The following MAST2 variants were observed in gnomAD, a reference collection of about 807,000 sequenced individuals.
MAST2 encodes the protein microtubule-associated serine/threonine-protein kinase 2.
A neutral mutation model predicts 147.4 loss-of-function variants in MAST2; 70 were observed. The observed-to-expected ratio is 0.47, with a 90% CI of 0.39 to 0.58. MAST2 has a LOEUF of 0.58. Ranked by LOEUF, MAST2 falls within the 20% of genes least tolerant of loss-of-function variation. MAST2 has a pLI of 0.00. For missense variants in MAST2, 2,080 were observed against 2,302.3 expected (o/e 0.90, Z 1.98); for synonymous variants, 869 against 896.8 (o/e 0.97, Z 0.55).
intron 4 of MAST2, among the ~76,000 whole-genome samples, chr1:45,904,411 C>A (rs774423727): frequency 6.6e-5 from 10 of 152,016 alleles, no homozygotes; most frequent in African/African-American, 2.2e-4. Context: ...TGACTTCAGG[C>A]GATCCACCTG....
At chr1:46,018,654 C>T (rs1419014374) in intron 10 of MAST2, among the ~76,000 whole-genome samples, 1 of 152,120 alleles carries the variant, frequency 6.6e-6, no homozygotes, top group Non-Finnish European at 1.5e-5. Context: ...ACGGTTCTGC[C>T]ACACTGACGT....
intron 21 of MAST2, 37 bp from the exon 22 acceptor site, chr1:46,030,554 TTGGGAGGTACGGCTGC>T (rs1168934735): frequency 1.3e-6 from 2 of 1,547,752 alleles, no homozygotes; most frequent in African/African-American, 2.8e-5. Flanking sequence ...TTTATGCCAC[TTGGGAGGTACGGCTGC>T]CAGAGCCCAT....
At chr1:46,016,747 C>G (rs950042471) in intron 10 of MAST2, among the ~76,000 whole-genome samples, 2 of 152,134 alleles carry the variant, frequency 1.3e-5, no homozygotes, top group African/African-American at 2.4e-5. Context: ...GCCATACTGC[C>G]CAAGGTAATT....
At position 45,914,170 on chromosome 1, in the gene MAST2, T is replaced by C. The variant is rs368648985; in HGVS notation, c.500+31775T>C. On this transcript the variant is annotated intron_variant, in intron 4 of 28. Transcript: ENST00000361297. ...TTCTTCCCTTGAAAGCAAATGTTTA[T>C]TTAAAGTTAGTGTCAAGGCTGCAAA... Among the ~76,000 whole-genome samples, 535 of 152,290 alleles carry C rather than the reference T, an allele frequency of 3.5e-3. 2 individuals carry two copies. The highest frequency in any genetic ancestry group is 0.012 in the African/African-American group (486 of 41,566).
At chr1:46,027,092 G>T (rs912953924) in intron 16 of MAST2, among the ~76,000 whole-genome samples, 5 of 152,170 alleles carry the variant, frequency 3.3e-5, no homozygotes, top group Admixed American at 2.6e-4. Flanking sequence ...AGTTTCTGGA[G>T]CCTGTAAGAC....
intron 1 of MAST2, among the ~76,000 whole-genome samples, chr1:45,820,726 A>G (rs1295936643): frequency 2.7e-5 from 4 of 150,260 alleles, no homozygotes; most frequent in African/African-American, 9.8e-5. Flanking sequence ...TTGGATCTTC[A>G]TTTTTTCAGA....
chr1:45,879,514 C>T lies in MAST2; in HGVS notation c.469-2850C>T, dbSNP rs982797758. Among the ~76,000 whole-genome samples, 104 of 149,242 alleles carry T rather than the reference C, an allele frequency of 7.0e-4. 1 individual carries two copies. Among genetic ancestry groups the T allele is most frequent in the Admixed American group, 6.8e-3 (101 of 14,878 alleles). ...CTTGAACCCAGGAGGTGGAGGTTGCCGCACGCCGAGATTGCACCACTGCGC... is the reference window on the plus strand; with the variant it reads ...CTTGAACCCAGGAGGTGGAGGTTGCTGCACGCCGAGATTGCACCACTGCGC... On this transcript the variant is annotated intron_variant, in intron 3 of 28. Coordinates refer to ENST00000361297, the MANE Select transcript of MAST2 (RefSeq NM_015112.3).
At chr1:45,902,642 T>G (rs1649978904) in intron 4 of MAST2, among the ~76,000 whole-genome samples, 1 of 152,074 alleles carries the variant, frequency 6.6e-6, no homozygotes, top group African/African-American at 2.4e-5. Context: ...ATTTTTAAAT[T>G]ACTGATTCAG....
intron 4 of MAST2, among the ~76,000 whole-genome samples, chr1:45,908,555 A>G (rs1186270382): frequency 1.3e-5 from 2 of 152,226 alleles, no homozygotes; most frequent in African/African-American, 2.4e-5. Context: ...TTATTTAGAA[A>G]TATGTGGTTT....
At chr1:45,916,786 A>G (rs1652595589) in intron 4 of MAST2, among the ~76,000 whole-genome samples, 1 of 152,194 alleles carries the variant, frequency 6.6e-6, no homozygotes, top group East Asian at 1.9e-4. Context: ...AACCAATTCT[A>G]AATACTTCAG....
intron 4 of MAST2, among the ~76,000 whole-genome samples, chr1:45,900,173 C>CTCAAAAAAAAAAAAAA (rs1491525511): frequency 1.8e-5 from 1 of 54,106 alleles, no homozygotes; most frequent in African/African-American, 8.8e-5. Context: ...CTCTCTCTCT[C>CTCAAAAAAAAAAAAAA]AAAAAAAAAA....
intron 4 of MAST2, among the ~76,000 whole-genome samples, chr1:45,928,631 G>A (rs1654787963): frequency 6.7e-6 from 1 of 149,512 alleles, no homozygotes; most frequent in Non-Finnish European, 1.5e-5. Context: ...GCCCAGGCTG[G>A]AGTGCAGTGG....
chr1:45,872,670 G>C (rs983549711), intron 3 of MAST2, among the ~76,000 whole-genome samples: 1 of 152,018 alleles, frequency 6.6e-6, no homozygotes, highest in African/African-American at 2.4e-5. Flanking sequence ...TAGAAGAGAC[G>C]GGGTTTCTCC....
chr1:46,018,996 T>C (rs1041415182), intron 10 of MAST2, among the ~76,000 whole-genome samples: 3 of 152,230 alleles, frequency 2.0e-5, no homozygotes, highest in Non-Finnish European at 2.9e-5. Context: ...TTTCCTAAAA[T>C]TGAAGTTGTA....
intron 4 of MAST2, among the ~76,000 whole-genome samples, chr1:45,948,553 A>C (rs1658440073): frequency 6.6e-6 from 1 of 151,848 alleles, no homozygotes; most frequent in Non-Finnish European, 1.5e-5. Flanking sequence ...TAAAAATACA[A>C]AAAATTAGCT....
chr1:45,973,153 T>C (rs1571005799), intron 5 of MAST2, among the ~76,000 whole-genome samples: 1 of 152,168 alleles, frequency 6.6e-6, no homozygotes, highest in Admixed American at 6.5e-5. Context: ...TATTATTCTT[T>C]TTTTCAGTCT....
At chr1:45,818,044 T>G (rs947648702) in intron 1 of MAST2, among the ~76,000 whole-genome samples, 1 of 152,108 alleles carries the variant, frequency 6.6e-6, no homozygotes, top group African/African-American at 2.4e-5. Flanking sequence ...GAAGTGGTAG[T>G]TGGTTGGTGA....
intron 1 of MAST2, among the ~76,000 whole-genome samples, chr1:45,811,667 T>G (rs1229806631): frequency 7.7e-6 from 1 of 130,662 alleles, no homozygotes; most frequent in East Asian, 2.4e-4. Context: ...AGAGTCTCAC[T>G]TTGTCACCCA....
At chr1:45,823,150 A>G (rs1282949637) in intron 1 of MAST2, among the ~76,000 whole-genome samples, 1 of 149,816 alleles carries the variant, frequency 6.7e-6, no homozygotes. Flanking sequence ...ATTAGTACTT[A>G]CCCATTTTTT....
Sources: allele counts gnomAD v4.1 joint callset (sites outside exome capture counted in the v4.1 genomes callset), GRCh38; gene constraint gnomAD v4.1.1; transcripts MANE v1.5; gene names NCBI Gene and HGNC (gene_info 2026-07-23, HGNC 2026-07-21).